MEIS2: variants seen among roughly 807,000 people sequenced by gnomAD.
The protein encoded by MEIS2 is homeobox protein Meis2.
MEIS2 carries 9 observed loss-of-function variants against 58.6 expected under a neutral mutation model. The ratio of observed to expected loss-of-function variants is 0.15; its 90% CI spans 0.09 to 0.27. The LOEUF (loss-of-function observed/expected upper bound fraction) is 0.27. MEIS2 is among the 10% of genes least tolerant of loss of function. The probability of loss-of-function intolerance (pLI) is 1.00; values close to 1 mark genes in which losing one functional copy is unlikely to be tolerated. For synonymous variants in MEIS2, 221 were observed against 228.4 expected (o/e 0.97, Z 0.29); for missense variants, 427 against 635.0 (o/e 0.67, Z 3.52).
chr15:37,057,819 GAGTAA>G (rs1888642332), intron 7 of MEIS2, among the ~76,000 whole-genome samples: 1 of 152,110 alleles, frequency 6.6e-6, no homozygotes, highest in Non-Finnish European at 1.5e-5. Context: ...AGGGTAAAGA[GAGTAA>G]TCAAGAAGCC....
At chr15:36,979,923 AC>A (rs1339435184) in intron 8 of MEIS2, among the ~76,000 whole-genome samples, 1 of 149,512 alleles carries the variant, frequency 6.7e-6, no homozygotes, top group Non-Finnish European at 1.5e-5. Flanking sequence ...TTATATAAAA[AC>A]CCCATACAAT....
intron 8 of MEIS2, among the ~76,000 whole-genome samples, chr15:36,965,763 G>C (rs2059333254): frequency 6.6e-6 from 1 of 152,146 alleles, no homozygotes; most frequent in Non-Finnish European, 1.5e-5. Context: ...AACTTCTGTG[G>C]CTAATGTCTG....
intron 6 of MEIS2, among the ~76,000 whole-genome samples, chr15:37,092,041 T>A (rs1334049599): frequency 6.6e-6 from 1 of 152,206 alleles, no homozygotes; most frequent in East Asian, 1.9e-4. Flanking sequence ...GCAAATAAAC[T>A]TTCCATAACC....
intron 8 of MEIS2, among the ~76,000 whole-genome samples, chr15:37,026,879 T>A (rs559678462): frequency 6.6e-6 from 1 of 152,336 alleles, no homozygotes; most frequent in African/African-American, 2.4e-5. Flanking sequence ...TATTGTGACT[T>A]GACAACTTAT....
chr15:37,039,754 T>C (rs1261259700), intron 7 of MEIS2, among the ~76,000 whole-genome samples: 3 of 152,218 alleles, frequency 2.0e-5, no homozygotes, highest in Non-Finnish European at 4.4e-5. Context: ...TTAGATCCAG[T>C]GTAACAAATA....
intron 8 of MEIS2, among the ~76,000 whole-genome samples, chr15:37,023,559 A>G (rs2061595865): frequency 1.3e-5 from 2 of 152,172 alleles, no homozygotes; most frequent in Admixed American, 6.5e-5. Flanking sequence ...CTGGTCTGTC[A>G]TTTCAAAAAC....
At chr15:36,953,899 C>G (rs1419937462) in intron 8 of MEIS2, among the ~76,000 whole-genome samples, 1 of 152,114 alleles carries the variant, frequency 6.6e-6, no homozygotes, top group Non-Finnish European at 1.5e-5. Context: ...CTACAATATC[C>G]TTGGAATACA....
At chr15:37,067,197 C>T (rs1248322557) in intron 7 of MEIS2, among the ~76,000 whole-genome samples, 1 of 151,560 alleles carries the variant, frequency 6.6e-6, no homozygotes, top group African/African-American at 2.4e-5. Context: ...TCAAGCGATC[C>T]TTCTGTCTCA....
At position 36,952,607 on chromosome 15, in the gene MEIS2, C is replaced by CTCTG. The variant is rs1490440825; in HGVS notation, c.901-2208_901-2207insCAGA. 7.0e-3 allele frequency among the ~76,000 whole-genome samples: 986 copies of CTCTG among 140,030 alleles called. 6 individuals carry two copies. The highest frequency in any genetic ancestry group is 0.024 in the East Asian group (112 of 4,684). The allele number at this position is 140,030 out of a possible 152,430, so 91.9% of individuals were successfully genotyped here. ...AGAGTCTGTCTGTCTGTCTCTCTCTCTGTGTGTGTGTGTGTGTGTGTGTGT... is the reference window on the plus strand; with the variant it reads ...AGAGTCTGTCTGTCTGTCTCTCTCTCTCTGTGTGTGTGTGTGTGTGTGTGTGTGT... On this transcript the variant is annotated intron_variant, in intron 8 of 11. Coordinates refer to ENST00000561208, the MANE Select transcript of MEIS2 (RefSeq NM_170675.5).
At chr15:37,010,130 C>T (rs1394156686) in intron 8 of MEIS2, among the ~76,000 whole-genome samples, 2 of 152,078 alleles carry the variant, frequency 1.3e-5, no homozygotes, top group Non-Finnish European at 2.9e-5. Flanking sequence ...TTCTGTTGCC[C>T]AGGCTGGAGT....
chr15:37,034,903 C>T (rs2062087317), intron 8 of MEIS2, among the ~76,000 whole-genome samples: 1 of 151,792 alleles, frequency 6.6e-6, no homozygotes, highest in Non-Finnish European at 1.5e-5. Flanking sequence ...TCAGCTTGAC[C>T]TTCAGCTAGT....
At chr15:37,087,779 C>A (rs543584289) in intron 6 of MEIS2, among the ~76,000 whole-genome samples, 23 of 152,028 alleles carry the variant, frequency 1.5e-4, no homozygotes, top group African/African-American at 5.3e-4. Flanking sequence ...GAGGGACCTA[C>A]CTATAAGAGA....
chr15:37,045,931 G>A (rs1442400464), intron 7 of MEIS2, among the ~76,000 whole-genome samples: 4 of 152,126 alleles, frequency 2.6e-5, no homozygotes, highest in South Asian at 2.1e-4. Flanking sequence ...AGTCTTCATC[G>A]GCTTACCTCA....
At chr15:36,913,276 T>C (rs1019296073) in intron 9 of MEIS2, among the ~76,000 whole-genome samples, 2 of 152,220 alleles carry the variant, frequency 1.3e-5, no homozygotes, top group African/African-American at 2.4e-5. Context: ...TGGTTGCAGA[T>C]TATATTTTTA....
chr15:36,994,538 T>G (rs1413334950), intron 8 of MEIS2, among the ~76,000 whole-genome samples: 1 of 152,218 alleles, frequency 6.6e-6, no homozygotes, highest in Non-Finnish European at 1.5e-5. Context: ...ATTACAAACA[T>G]GTTTTTTACT....
chr15:36,923,230 T>C (rs890323360), intron 9 of MEIS2, among the ~76,000 whole-genome samples: 3 of 152,182 alleles, frequency 2.0e-5, no homozygotes, highest in Admixed American at 6.5e-5. Context: ...GAGGAAGCAA[T>C]GCAAGTATAG....
At chr15:36,929,905 A>G (rs982037634) in intron 9 of MEIS2, among the ~76,000 whole-genome samples, 1 of 152,200 alleles carries the variant, frequency 6.6e-6, no homozygotes, top group Admixed American at 6.5e-5. Flanking sequence ...GTTGAGGATT[A>G]AAAGTTATCC....
rs60605081 is a variant in MEIS2, at chr15:37,031,421, A to ATGTGTGTGTGTGTGTGTG, written c.900+5375_900+5392dup. Among the ~76,000 whole-genome samples the ATGTGTGTGTGTGTGTGTG allele has an allele frequency of 3.5e-3, 511 of 146,934 alleles. 4 individuals are homozygous for ATGTGTGTGTGTGTGTGTG. The highest frequency in any genetic ancestry group is 0.013 in the South Asian group (60 of 4,448). ...TCCCTCCCTCTCTCCTCCCTTGCAT[A>ATGTGTGTGTGTGTGTGTG]TGTGTGTGTGTGTGTGTGTGTGTGT... On this transcript the variant is annotated intron_variant, in intron 8 of 11. Coordinates refer to ENST00000561208, the MANE Select transcript of MEIS2 (RefSeq NM_170675.5).
At chr15:37,025,812 A>G (rs1243977305) in intron 8 of MEIS2, among the ~76,000 whole-genome samples, 1 of 152,084 alleles carries the variant, frequency 6.6e-6, no homozygotes, top group Admixed American at 6.5e-5. Flanking sequence ...CAAAGGTCAT[A>G]TTAAAAACTA....
Sources: allele counts gnomAD v4.1 joint callset (sites outside exome capture counted in the v4.1 genomes callset), GRCh38; gene constraint gnomAD v4.1.1; transcripts MANE v1.5; gene names NCBI Gene and HGNC (gene_info 2026-07-23, HGNC 2026-07-21).